TECPR1: variants seen among roughly 807,000 people sequenced by gnomAD.
TECPR1 encodes the protein tectonin beta-propeller repeat-containing protein 1.
TECPR1 carries 122 observed loss-of-function variants against 162.4 expected under a neutral mutation model. The ratio of observed to expected loss-of-function variants is 0.75; its 90% CI spans 0.65 to 0.87. The LOEUF is 0.87. Ranked by LOEUF, TECPR1 falls within the 40% of genes least tolerant of loss-of-function variation. The pLI, the probability that TECPR1 is intolerant of heterozygous loss-of-function variation, is 0.00. For missense variants in TECPR1, 1,432 were observed against 1,618.2 expected (o/e 0.88, Z 1.97); for synonymous variants, 642 against 670.6 (o/e 0.96, Z 0.66).
chr7:98,229,301 A>T, intron 15 of TECPR1, 135 bp from the exon 16 acceptor site: 1 of 1,135,084 alleles, frequency 8.8e-7, no homozygotes. Flanking sequence ...CAGACCATCC[A>T]CCCTGCCTGA....
chr7:98,241,002 G>T lies in TECPR1; in HGVS notation c.833-51C>A. 6.3e-7 allele frequency: 1 copy of T among 1,586,058 alleles called. No individual in the cohort carries two copies. The highest frequency in any genetic ancestry group is 1.3e-5 in the African/African-American group (1 of 74,332). Reference sequence around the variant, plus strand: ...GTGGCCCCCATCAGCCTGGACAGCTGGGGAGCGAGTGACCCTCACCCTTCT... The same window carrying T: ...GTGGCCCCCATCAGCCTGGACAGCTTGGGAGCGAGTGACCCTCACCCTTCT... On this transcript the variant is annotated intron_variant, in intron 7 of 25. Coordinates refer to ENST00000447648, the MANE Select transcript of TECPR1 (RefSeq NM_015395.3). This position sits in a 1 kb window ranked among gnomAD's most constrained non-coding sequence, Gnocchi z 5.0.
At position 98,240,855 on chromosome 7, in the gene TECPR1, C is replaced by T. The variant is rs1161712165; in HGVS notation, c.929G>A (p.Trp310Ter). The T allele has an allele frequency of 6.2e-7, 1 of 1,601,460 alleles. No homozygotes were observed. The highest frequency in any genetic ancestry group is 8.5e-7 in the Non-Finnish European group (1 of 1,176,560). ...CCAGCCTCATCCCCATCTTACCTTC[C>T]AGTCCTTGGTGACAGCCCAGACCAC... ...VSVVWAVTKDWKVWFRRGVNS... is the reference protein window; with the variant it reads ...VSVVWAVTKD Residue 310 changes from tryptophan (W) to a stop codon, truncating the protein, a stop_gained, in exon 8 of 26, where the codon TGG becomes TAG. Coordinates refer to ENST00000447648, the MANE Select transcript of TECPR1 (RefSeq NM_015395.3). LOFTEE classifies it high-confidence loss of function.
At chr7:98,226,717 G>C (rs1342276176) in intron 17 of TECPR1, 2 of 1,140,916 alleles carry the variant, frequency 1.8e-6, no homozygotes, top group Non-Finnish European at 2.3e-6. Flanking sequence ...GCGGGCTTCG[G>C]GAGTTCAGGA....
intron 20 of TECPR1, 123 bp from the exon 21 acceptor site, chr7:98,223,293 C>A: frequency 1.0e-6 from 1 of 989,252 alleles, no homozygotes; most frequent in Non-Finnish European, 1.5e-6. Context: ...AAGAGGGGCC[C>A]AGAGGTGGCC....
At position 98,229,047 on chromosome 7, in the gene TECPR1, C is replaced by CAGCCGCCTCCAT; in HGVS notation, c.2390_2401dup (p.Tyr797_Gly800dup). Reference sequence around the variant, plus strand: ...CTGTGGGCCGCCCTCACCTTGGAAGCAGCCGCCTCCATAGCCGCCTGTGTA... The same window carrying CAGCCGCCTCCAT: ...CTGTGGGCCGCCCTCACCTTGGAAGCAGCCGCCTCCATAGCCGCCTCCATAGCCGCCTGTGTA... On this transcript the variant is annotated inframe_insertion, in exon 16 of 26. Transcript: ENST00000447648. The CAGCCGCCTCCAT allele has an allele frequency of 6.3e-7, 1 of 1,598,930 alleles. No homozygotes were observed. Among genetic ancestry groups the CAGCCGCCTCCAT allele is most frequent in the Non-Finnish European group, 8.5e-7 (1 of 1,173,222 alleles).
At position 98,223,032 on chromosome 7, in the gene TECPR1, C is replaced by A; in HGVS notation, c.2886G>T (p.Gly962=). 1 of 1,611,470 alleles carries A rather than the reference C, an allele frequency of 6.2e-7. No homozygotes were observed. Among genetic ancestry groups the A allele is most frequent in the Non-Finnish European group, 8.5e-7 (1 of 1,179,384 alleles). Reference sequence around the variant, plus strand: ...ACACGCCCAGGCGGCACAGCACATCCCCCTTGTCGCTGACGGCCCAGAGGG... The same window carrying A: ...ACACGCCCAGGCGGCACAGCACATCACCCTTGTCGCTGACGGCCCAGAGGG... ...SIALWAVSDK[G]DVLCRLGVSE... is the part of the protein sequence containing the mutation. Residue 962 remains glycine, a synonymous_variant, in exon 21 of 26, where the codon GGG becomes GGT. Transcript: ENST00000447648.
Position 98,230,968 on chromosome 7 carries a change from C to A in TECPR1, c.2275G>T (p.Asp759Tyr). The A allele has an allele frequency of 1.9e-6, 3 of 1,611,322 alleles. No individual in the cohort carries two copies. The highest frequency in any genetic ancestry group is 2.5e-6 in the Non-Finnish European group (3 of 1,179,036). The change falls in exon 15 of 26, where the codon GAC (aspartate) becomes TAC (tyrosine). Residue 759 changes from aspartate to tyrosine, a missense_variant. Physicochemically the swap from Asp to Tyr is radical, Grantham distance 160 (BLOSUM62 -3). Coordinates refer to ENST00000447648, the MANE Select transcript of TECPR1 (RefSeq NM_015395.3). ...AGAGTGCGGCTCACTCACATCTGGT[C>A]GCAGGGCAGGGGGTGCTCGTGGGCC... ...LEAHEHPLPCDQMFWRQMGGH... is the reference protein window; with the variant it reads ...LEAHEHPLPCYQMFWRQMGGH...
chr7:98,244,726 G>T (rs1199429850), intron 4 of TECPR1, 33 bp from the exon 5 acceptor site: 2 of 1,594,798 alleles, frequency 1.3e-6, no homozygotes, highest in African/African-American at 1.3e-5. Context: ...CTCAGGCTCT[G>T]CGGGGAAGGC....
chr7:98,235,615 A>T (rs555353194), intron 10 of TECPR1, among the ~76,000 whole-genome samples: 14 of 150,948 alleles, frequency 9.3e-5, no homozygotes, highest in African/African-American at 3.2e-4. Context: ...TGGGAGGGTC[A>T]CTTGAGGTTA....
intron 23 of TECPR1, among the ~76,000 whole-genome samples, chr7:98,219,677 G>A (rs1273542842): frequency 3.9e-5 from 6 of 152,122 alleles, no homozygotes; most frequent in East Asian, 3.9e-4. Flanking sequence ...CAAGGCAGGC[G>A]GATCACCTGA....
At chr7:98,226,941 A>T in intron 17 of TECPR1, among the ~76,000 whole-genome samples, 1 of 151,830 alleles carries the variant, frequency 6.6e-6, no homozygotes, top group South Asian at 2.1e-4. Flanking sequence ...TCAAAAAACA[A>T]AACAAAAAAA....
chr7:98,230,022 G>T (rs1179450809), intron 15 of TECPR1, among the ~76,000 whole-genome samples: 2 of 146,384 alleles, frequency 1.4e-5, no homozygotes, highest in African/African-American at 2.6e-5. Context: ...ACAGGGTCTC[G>T]CTGTGTTGCC....
chr7:98,232,080 C>A lies in TECPR1; in HGVS notation c.1819-121G>T, dbSNP rs539438739. On this transcript the variant is annotated intron_variant, in intron 12 of 25. Transcript: ENST00000447648. The surrounding 1 kb of genome is among the most constrained non-coding windows in gnomAD (Gnocchi z 4.6). ...TGGGGTAGGGCCCACCCAGCACTCC[C>A]GGCTGTCAGCCCAGCTCCCCCTATG... The A allele has an allele frequency of 2.9e-3, 3,041 of 1,053,474 alleles. 12 individuals are homozygous for A. Among genetic ancestry groups the A allele is most frequent in the Non-Finnish European group, 3.6e-3 (2,621 of 733,124 alleles). 65.3% of individuals were successfully genotyped at this position (1,053,474 alleles called of 1,614,324 possible). A position where few individuals can be genotyped will look rare whatever the true frequency, so the allele number is the denominator to read the frequency against.
At chr7:98,242,924 C>T (rs1798798206) in intron 6 of TECPR1, among the ~76,000 whole-genome samples, 1 of 126,248 alleles carries the variant, frequency 7.9e-6, no homozygotes, top group East Asian at 2.4e-4. Flanking sequence ...ATCCACACAC[C>T]CATCCGCCCA....
At chr7:98,234,709 T>C (rs983048502) in intron 10 of TECPR1, among the ~76,000 whole-genome samples, 4 of 143,922 alleles carry the variant, frequency 2.8e-5, no homozygotes, top group African/African-American at 1.0e-4. Context: ...TATTGTCTTT[T>C]TTTTTTTTTT....
intron 23 of TECPR1, among the ~76,000 whole-genome samples, chr7:98,221,079 G>T (rs1011720925): frequency 6.6e-6 from 1 of 150,460 alleles, no homozygotes; most frequent in East Asian, 2.0e-4. Context: ...AGGTGGGCAG[G>T]TCACTTGAGG....
At chr7:98,225,895 G>A (rs1191231681) in intron 17 of TECPR1, among the ~76,000 whole-genome samples, 1 of 152,172 alleles carries the variant, frequency 6.6e-6, no homozygotes, top group Non-Finnish European at 1.5e-5. Context: ...AAAGCACTGG[G>A]ATTACAGGCG....
intron 2 of TECPR1, among the ~76,000 whole-genome samples, chr7:98,248,795 G>GATTGCACCACTGCAGAGAGCCA (rs1562947012): frequency 7.9e-5 from 12 of 151,410 alleles, no homozygotes; most frequent in African/African-American, 2.7e-4. Flanking sequence ...GCAGAGAGCC[G>GATTGCACCACTGCAGAGAGCCA]AGATTGCACC....
chr7:98,231,457 G>C lies in TECPR1; in HGVS notation c.1975-84C>G, dbSNP rs1349975246. 2.1e-6 allele frequency: 3 copies of C among 1,441,966 alleles called. No homozygotes were observed. In the African/African-American group the frequency reaches 4.2e-5, roughly 20 times the overall value. The allele number at this position is 1,441,966 out of a possible 1,614,324, so 89.3% of individuals were successfully genotyped here. A position where few individuals can be genotyped will look rare whatever the true frequency, so the allele number is the denominator to read the frequency against. On this transcript the variant is annotated intron_variant, in intron 13 of 25. Coordinates refer to ENST00000447648, the MANE Select transcript of TECPR1 (RefSeq NM_015395.3). The stretch of plus-strand genomic sequence containing the variant: ...GTGACCCCCACTGTGCTTCACCCTG[G>C]GACCCTGGCCCTCGGACACCCTCTC...
Sources: gnomAD v4.1 joint callset for allele counts (sites outside exome capture counted in the v4.1 genomes callset) on GRCh38, gnomAD v4.1.1 for gene constraint, Gnocchi (gnomAD v3.1) non-coding constraint, MANE v1.5 for transcripts, NCBI Gene and HGNC (gene_info 2026-07-23, HGNC 2026-07-21) for gene names.